The following CCDC60 variants were observed in gnomAD, a reference collection of about 807,000 sequenced individuals.
The protein encoded by CCDC60 is coiled-coil domain-containing protein 60.
A neutral mutation model predicts 63.5 loss-of-function variants in CCDC60; 54 were observed. That is an observed-to-expected ratio of 0.85 (90% confidence interval 0.68 to 1.07). CCDC60 has a LOEUF of 1.07. Ranked by LOEUF, CCDC60 falls within the 50% of genes least tolerant of loss-of-function variation. CCDC60 has a pLI of 0.00. For synonymous variants in CCDC60, 206 were observed against 238.8 expected (o/e 0.86, Z 1.27); for missense variants, 651 against 684.3 (o/e 0.95, Z 0.54).
intron 1 of CCDC60, among the ~76,000 whole-genome samples, chr12:119,423,726 A>C (rs11064792): frequency 6.6e-6 from 1 of 152,168 alleles, no homozygotes; most frequent in Non-Finnish European, 1.5e-5. Context: ...AGCTTGCCTC[A>C]TCATTCCTTA....
At chr12:119,454,716 T>C (rs2136289395) in intron 2 of CCDC60, among the ~76,000 whole-genome samples, 1 of 152,368 alleles carries the variant, frequency 6.6e-6, no homozygotes, top group Admixed American at 6.5e-5. Context: ...CTCTTGGAAC[T>C]GTATTCTGCT....
intron 13 of CCDC60, 102 bp from the exon 14 acceptor site, chr12:119,540,512 C>G (rs1172726374): frequency 2.5e-6 from 2 of 805,708 alleles, no homozygotes; most frequent in East Asian, 2.5e-5. Flanking sequence ...CTGGGGCCAC[C>G]AGTCTCAGTC....
chr12:119,377,254 C>CAAAAAAAAAA (rs60100165), intron 1 of CCDC60, among the ~76,000 whole-genome samples: 120 of 47,218 alleles, frequency 2.5e-3, no homozygotes, highest in East Asian at 4.2e-3. Context: ...CACTCCATCT[C>CAAAAAAAAAA]AAAAAAAAAA....
chr12:119,471,162 C>T lies in CCDC60; in HGVS notation c.171-832C>T, dbSNP rs75471473. 6.0e-3 allele frequency among the ~76,000 whole-genome samples: 917 copies of T among 152,264 alleles called. 11 individuals carry two copies. Among genetic ancestry groups the T allele is most frequent in the African/African-American group, 0.021 (860 of 41,538 alleles). ...GCGCAGGGAGGTGTGTAGCCCATCA[C>T]GACTGAGAATGTCTTCACATCAAGC... On this transcript the variant is annotated intron_variant, in intron 2 of 13. Transcript: ENST00000327554.
chr12:119,342,156 C>T (rs1011763107), intron 1 of CCDC60, among the ~76,000 whole-genome samples: 18 of 152,198 alleles, frequency 1.2e-4, no homozygotes, highest in Non-Finnish European at 4.4e-5. Flanking sequence ...AGGCCCAAGG[C>T]CCTTTCCCTC....
At chr12:119,387,074 A>T (rs1317093994) in intron 1 of CCDC60, among the ~76,000 whole-genome samples, 48 of 142,402 alleles carry the variant, frequency 3.4e-4, no homozygotes, top group East Asian at 1.0e-3. Flanking sequence ...ACACACACAC[A>T]CTCTCCAATT....
intron 2 of CCDC60, among the ~76,000 whole-genome samples, chr12:119,455,302 C>T (rs1338551633): frequency 4.6e-5 from 7 of 152,178 alleles, no homozygotes; most frequent in Admixed American, 4.6e-4. Flanking sequence ...TAGCCTTCTA[C>T]ATGCCAGAGT....
In CCDC60 at chr12:119,456,048, A is replaced by C. The variant is rs201382818; in HGVS notation, c.171-15946A>C. 3.7e-4 allele frequency among the ~76,000 whole-genome samples: 45 copies of C among 120,502 alleles called. 2 individuals carry two copies. The highest frequency in any genetic ancestry group is 1.1e-3 in the East Asian group (3 of 2,842). The allele number at this position is 120,502 out of a possible 152,430, so 79.1% of individuals were successfully genotyped here. ...GAAAGAAAGAAAGAAAGAAAGAAAG[A>C]AAGAAAGAAAGAAAGCAAGCAAGCA... On this transcript the variant is annotated intron_variant, in intron 2 of 13. Coordinates refer to ENST00000327554, the MANE Select transcript of CCDC60 (RefSeq NM_178499.5). The surrounding 1 kb of genome is among the most constrained non-coding windows in gnomAD (Gnocchi z 4.6).
chr12:119,355,895 T>C (rs932190939), intron 1 of CCDC60, among the ~76,000 whole-genome samples: 1 of 152,170 alleles, frequency 6.6e-6, no homozygotes, highest in Non-Finnish European at 1.5e-5. Context: ...TGACATGGCA[T>C]GCTGGTGGAT....
At chr12:119,407,018 T>C (rs1240715907) in intron 1 of CCDC60, among the ~76,000 whole-genome samples, 2 of 152,134 alleles carry the variant, frequency 1.3e-5, no homozygotes, top group African/African-American at 4.8e-5. Context: ...CTTCTTGTCA[T>C]GAGAGGTGCC....
At chr12:119,433,264 TA>T in intron 2 of CCDC60, 1 of 617,322 alleles carries the variant, frequency 1.6e-6, no homozygotes, top group Non-Finnish European at 2.9e-6. Context: ...TAATTATTAA[TA>T]AAAGGTGATA....
intron 2 of CCDC60, among the ~76,000 whole-genome samples, chr12:119,457,882 C>CT (rs1389298969): frequency 1.7e-4 from 26 of 152,312 alleles, no homozygotes; most frequent in African/African-American, 5.1e-4. Flanking sequence ...GTCAATTTGG[C>CT]AGCCAGGCTA....
intron 1 of CCDC60, among the ~76,000 whole-genome samples, chr12:119,337,553 A>G (rs1338428148): frequency 3.3e-5 from 5 of 152,194 alleles, no homozygotes; most frequent in Admixed American, 3.3e-4. Context: ...TAGTAAGCAC[A>G]CTTTAGGTTT....
chr12:119,489,505 C>T (rs1951534536), intron 5 of CCDC60, among the ~76,000 whole-genome samples: 1 of 152,096 alleles, frequency 6.6e-6, no homozygotes, highest in Non-Finnish European at 1.5e-5. Context: ...GTGTCCGCAC[C>T]AGAGGAGAGA....
At position 119,507,601 on chromosome 12, in the gene CCDC60, TATATATATATA is replaced by T. The variant is rs1566050687; in HGVS notation, c.883+2299_883+2309del. 1.5e-3 allele frequency among the ~76,000 whole-genome samples: 43 copies of T among 27,950 alleles called. 2 individuals carry two copies. Among genetic ancestry groups the T allele is most frequent in the East Asian group, 0.014 (8 of 562 alleles). The allele number at this position is 27,950 out of a possible 152,430, so 18.3% of individuals were successfully genotyped here. Reference sequence around the variant, plus strand: ...ATACACATATATATACATATATATATATATATATATATATTTTTTTTTTTTTTTTCTAGAAA... The same window carrying T: ...ATACACATATATATACATATATATATTATTTTTTTTTTTTTTTTCTAGAAA... On this transcript the variant is annotated intron_variant, in intron 7 of 13. Transcript: ENST00000327554.
chr12:119,399,154 C>T (rs1222388018), intron 1 of CCDC60, among the ~76,000 whole-genome samples: 1 of 152,048 alleles, frequency 6.6e-6, no homozygotes, highest in Non-Finnish European at 1.5e-5. Context: ...TTCAAGAGGC[C>T]CCAGTTTATC....
intron 4 of CCDC60, among the ~76,000 whole-genome samples, chr12:119,481,160 C>A (rs534226131): frequency 7.7e-4 from 117 of 152,056 alleles, no homozygotes; most frequent in Non-Finnish European, 1.2e-3. Context: ...AGCCCTATCC[C>A]ACTCCATCCC....
At chr12:119,411,888 C>T (rs1956608978) in intron 1 of CCDC60, among the ~76,000 whole-genome samples, 1 of 152,112 alleles carries the variant, frequency 6.6e-6, no homozygotes, top group East Asian at 1.9e-4. Flanking sequence ...GCCAACAACC[C>T]TTCCAGCCCC....
chr12:119,531,876 G>T (rs564752160), intron 13 of CCDC60, among the ~76,000 whole-genome samples: 1 of 152,344 alleles, frequency 6.6e-6, no homozygotes, highest in South Asian at 2.1e-4. Context: ...TCCACAGTAA[G>T]GTGTTAGCAG....
Sources: gnomAD v4.1 joint callset for allele counts (sites outside exome capture counted in the v4.1 genomes callset) on GRCh38, gnomAD v4.1.1 for gene constraint, Gnocchi (gnomAD v3.1) non-coding constraint, MANE v1.5 for transcripts, NCBI Gene and HGNC (gene_info 2026-07-23, HGNC 2026-07-21) for gene names.